Variants in PARD3B observed in about 807,000 individuals in gnomAD.
The protein encoded by PARD3B is partitioning defective 3 homolog B.
Under a neutral mutation model 130.2 loss-of-function variants are expected in PARD3B, and 103 were observed. The ratio of observed to expected loss-of-function variants is 0.79; its 90% confidence interval spans 0.67 to 0.93. The LOEUF (loss-of-function observed/expected upper bound fraction) is 0.93, where lower values mean the gene tolerates loss of function less well. PARD3B is among the 40% of genes least tolerant of loss of function. PARD3B has a pLI of 0.00. For synonymous variants in PARD3B, 583 were observed against 553.2 expected (o/e 1.05, Z -0.76); for missense variants, 1,609 against 1,499.2 (o/e 1.07, Z -1.21).
intron 2 of PARD3B, among the ~76,000 whole-genome samples, chr2:204,916,034 G>A (rs975279443): frequency 6.6e-6 from 1 of 152,192 alleles, no homozygotes; most frequent in African/African-American, 2.4e-5. Context: ...GATGGCTTCA[G>A]TCAAGGGAGA....
chr2:204,980,925 A>G (rs1692612646), intron 3 of PARD3B, among the ~76,000 whole-genome samples: 1 of 152,222 alleles, frequency 6.6e-6, no homozygotes, highest in Non-Finnish European at 1.5e-5. Context: ...GTTAATAGTA[A>G]TGTATAAATG....
chr2:205,171,306 G>A (rs1291070885), intron 11 of PARD3B, among the ~76,000 whole-genome samples: 3 of 152,114 alleles, frequency 2.0e-5, no homozygotes, highest in African/African-American at 7.2e-5. Context: ...TTGCTCCTGG[G>A]CTGCCTTTGG....
chr2:204,857,796 G>A (rs1015594154), intron 2 of PARD3B, among the ~76,000 whole-genome samples: 1 of 152,112 alleles, frequency 6.6e-6, no homozygotes, highest in Non-Finnish European at 1.5e-5. Context: ...TGCTTCAGGG[G>A]ACAAGAGCCA....
At chr2:204,561,551 C>T (rs1342769646) in intron 1 of PARD3B, among the ~76,000 whole-genome samples, 1 of 151,632 alleles carries the variant, frequency 6.6e-6, no homozygotes, top group African/African-American at 2.4e-5. Context: ...GCTTCCCTTT[C>T]CTAAAGTCCA....
At position 204,965,221 on chromosome 2, in the gene PARD3B, C is replaced by T. The variant is rs145502673; in HGVS notation, c.292C>T (p.Arg98Trp). 1.4e-3 allele frequency: 2,236 copies of T among 1,613,908 alleles called. 60 individuals carry two copies. The East Asian group carries it at 0.044, about 32-fold the overall frequency. The change falls in exon 3 of 23, where the codon CGG becomes TGG. Residue 98 changes from arginine (R) to tryptophan (W), a missense_variant. Coordinates refer to ENST00000406610, the MANE Select transcript of PARD3B (RefSeq NM_001302769.2). ...IESPSGNPADRQSPDAFETEV... is the reference protein window; with the variant it reads ...IESPSGNPADWQSPDAFETEV... ...GAGCCCCAGTGGAAACCCTGCAGAT[C>T]GGCAGAGCCCAGATGCTTTTGAGAC... is the stretch of plus-strand genomic sequence containing the variant.
intron 22 of PARD3B, among the ~76,000 whole-genome samples, chr2:205,581,710 A>T (rs962595925): frequency 6.6e-6 from 1 of 151,948 alleles, no homozygotes; most frequent in African/African-American, 2.4e-5. Flanking sequence ...TCCAAACATC[A>T]CATGTACCCT....
chr2:204,615,086 A>G (rs2034062348), intron 1 of PARD3B, among the ~76,000 whole-genome samples: 1 of 152,190 alleles, frequency 6.6e-6, no homozygotes, highest in East Asian at 1.9e-4. Flanking sequence ...TTAGATCTTC[A>G]TATCTGCTTT....
Position 205,265,037 on chromosome 2 carries a change from C to T in PARD3B, c.2185+19215C>T, listed in dbSNP as rs1264153560. On this transcript the variant is annotated intron_variant, in intron 16 of 22. Coordinates refer to ENST00000406610, the MANE Select transcript of PARD3B (RefSeq NM_001302769.2). The surrounding 1 kb of genome is among the most constrained non-coding windows in gnomAD (Gnocchi z 4.3). ...CAAAAATTACTTTAACTTTTGCTTC[C>T]CTCGGAACAACCAGGGAAAAATATC... Among the ~76,000 whole-genome samples the T allele has an allele frequency of 6.6e-6, 1 of 151,204 alleles. No individual in the cohort carries two copies. The highest frequency in any genetic ancestry group is 2.4e-5 in the African/African-American group (1 of 41,186).
chr2:204,919,852 G>T (rs2047597082), intron 2 of PARD3B, among the ~76,000 whole-genome samples: 1 of 152,098 alleles, frequency 6.6e-6, no homozygotes, highest in Non-Finnish European at 1.5e-5. Context: ...TTTTCTCGGA[G>T]ACTTGAAATG....
intron 10 of PARD3B, among the ~76,000 whole-genome samples, chr2:205,156,765 T>C (rs751621236): frequency 6.6e-6 from 1 of 152,218 alleles, no homozygotes; most frequent in Non-Finnish European, 1.5e-5. Flanking sequence ...TCAATCATTG[T>C]TAGCCTCTAG....
chr2:205,043,690 A>G (rs1698544586), intron 3 of PARD3B, among the ~76,000 whole-genome samples: 1 of 152,088 alleles, frequency 6.6e-6, no homozygotes, highest in Non-Finnish European at 1.5e-5. Context: ...CTTGTACAAT[A>G]TGACTTCTAC....
At chr2:204,824,460 G>A (rs1436161076) in intron 2 of PARD3B, among the ~76,000 whole-genome samples, 2 of 152,016 alleles carry the variant, frequency 1.3e-5, no homozygotes, top group Non-Finnish European at 2.9e-5. Flanking sequence ...CCTAGCTCTG[G>A]TGTACTGCTT....
chr2:205,566,737 G>A (rs752947030), intron 22 of PARD3B, among the ~76,000 whole-genome samples: 7 of 152,136 alleles, frequency 4.6e-5, no homozygotes, highest in African/African-American at 7.2e-5. Flanking sequence ...AGACCCCAGG[G>A]CATATCAGGG....
At chr2:204,788,326 T>C (rs1484695113) in intron 2 of PARD3B, among the ~76,000 whole-genome samples, 2 of 152,224 alleles carry the variant, frequency 1.3e-5, no homozygotes, top group Non-Finnish European at 2.9e-5. Flanking sequence ...AGCCCTACAC[T>C]GTTATCTCAT....
At chr2:205,579,577 A>T (rs528624777) in intron 22 of PARD3B, among the ~76,000 whole-genome samples, 1 of 152,336 alleles carries the variant, frequency 6.6e-6, no homozygotes, top group African/African-American at 2.4e-5. Context: ...AGCCAGCAGT[A>T]CTTCAAACCA....
At chr2:204,795,960 AG>A (rs1238049584) in intron 2 of PARD3B, among the ~76,000 whole-genome samples, 1 of 152,208 alleles carries the variant, frequency 6.6e-6, no homozygotes, top group Non-Finnish European at 1.5e-5. Context: ...GGTTTTAACA[AG>A]TGTGATTGAG....
chr2:205,212,969 G>A (rs1419182192), intron 15 of PARD3B, among the ~76,000 whole-genome samples: 1 of 152,130 alleles, frequency 6.6e-6, no homozygotes, highest in Non-Finnish European at 1.5e-5. Context: ...TACAGATGGG[G>A]CAATCAGGGC....
chr2:205,084,760 C>T (rs1701638291), intron 4 of PARD3B, among the ~76,000 whole-genome samples: 1 of 151,882 alleles, frequency 6.6e-6, no homozygotes, highest in Non-Finnish European at 1.5e-5. Flanking sequence ...GGTCAGAGAA[C>T]AAGATGTAAG....
chr2:204,822,025 C>T (rs893548400), intron 2 of PARD3B, among the ~76,000 whole-genome samples: 1 of 152,164 alleles, frequency 6.6e-6, no homozygotes, highest in Admixed American at 6.6e-5. Flanking sequence ...CCAAAGCTGC[C>T]ATAGATAGTG....
Sources: allele counts gnomAD v4.1 joint callset (sites outside exome capture counted in the v4.1 genomes callset), GRCh38; gene constraint gnomAD v4.1.1; non-coding constraint Gnocchi (gnomAD v3.1); transcripts MANE v1.5; gene names NCBI Gene and HGNC (gene_info 2026-07-23, HGNC 2026-07-21).